Variants in LRBA observed in about 807,000 individuals in gnomAD.
LRBA encodes the protein lipopolysaccharide-responsive and beige-like anchor protein.
Under a neutral mutation model 330.0 loss-of-function variants are expected in LRBA, and 176 were observed. That is an observed-to-expected ratio of 0.53 (90% CI 0.47 to 0.60). The LOEUF (loss-of-function observed/expected upper bound fraction) is 0.60. LRBA is among the 20% of genes least tolerant of loss of function. The pLI, the probability that LRBA is intolerant of heterozygous loss-of-function variation, is 0.00. For synonymous variants in LRBA, 1,230 were observed against 1,193.0 expected, an observed-to-expected ratio of 1.03 and a Z score of -0.64; for missense variants, 3,259 against 3,444.8, an observed-to-expected ratio of 0.95 and a Z score of 1.35.
chr4:150,610,327 C>T (rs1306914909), intron 37 of LRBA, among the ~76,000 whole-genome samples: 3 of 152,058 alleles, frequency 2.0e-5, no homozygotes, highest in Non-Finnish European at 4.4e-5. Flanking sequence ...TGGTGGCTCA[C>T]GCCTATAATC....
At chr4:150,571,824 G>A (rs1441890142) in intron 40 of LRBA, among the ~76,000 whole-genome samples, 2 of 150,678 alleles carry the variant, frequency 1.3e-5, no homozygotes, top group Admixed American at 1.3e-4. Flanking sequence ...ATTTAAGGAA[G>A]TTTTTAAAAA....
chr4:150,571,904 C>T (rs1372588623), intron 40 of LRBA, among the ~76,000 whole-genome samples: 6 of 151,214 alleles, frequency 4.0e-5, no homozygotes, highest in African/African-American at 1.2e-4. Flanking sequence ...TGATAGTTTG[C>T]AAGGGTCCTG....
At chr4:151,013,710 C>T (rs1745115094) in intron 2 of LRBA, 1 of 150,476 alleles carries the variant, frequency 6.6e-6, no homozygotes. Context: ...CACCCCCACC[C>T]GAAAAAAAGC....
At chr4:150,271,170 T>C (rs1746037862) in intron 56 of LRBA, among the ~76,000 whole-genome samples, 1 of 152,150 alleles carries the variant, frequency 6.6e-6, no homozygotes, top group African/African-American at 2.4e-5. Context: ...AATGGTGCAC[T>C]CTGGCCCAGA....
rs928734573 is a variant in LRBA, at chr4:150,612,218, C to T, written c.5922-13087G>A. Among the ~76,000 whole-genome samples, 5 of 152,142 alleles carry T rather than the reference C, an allele frequency of 3.3e-5. No individual in the cohort carries two copies. The East Asian group carries it at 9.6e-4, about 29-fold the overall frequency. ...CAAGAAAAGAACAAAAAAAAAGTCACCCTCCATAGCATAACATTTTTATCT... is the reference window on the plus strand; with the variant it reads ...CAAGAAAAGAACAAAAAAAAAGTCATCCTCCATAGCATAACATTTTTATCT... On this transcript the variant is annotated intron_variant, in intron 37 of 56. Coordinates refer to ENST00000651943, the MANE Select transcript of LRBA (RefSeq NM_001364905.1).
At chr4:150,859,665 C>A (rs1453968820) in intron 22 of LRBA, among the ~76,000 whole-genome samples, 1 of 152,176 alleles carries the variant, frequency 6.6e-6, no homozygotes, top group East Asian at 1.9e-4. Context: ...AGCTTCCCTG[C>A]TACAAAGGTG....
chr4:150,537,647 C>G (rs1764810290), intron 40 of LRBA, among the ~76,000 whole-genome samples: 1 of 151,970 alleles, frequency 6.6e-6, no homozygotes, highest in Admixed American at 6.6e-5. Context: ...ACCCAAAGAA[C>G]CCCATTAAAA....
chr4:150,931,205 G>GTA (rs1734457295), intron 2 of LRBA, among the ~76,000 whole-genome samples: 1 of 151,472 alleles, frequency 6.6e-6, no homozygotes, highest in African/African-American at 2.4e-5. Flanking sequence ...CTTCCCCAAT[G>GTA]TATATATATT....
In LRBA at chr4:150,976,177, A is replaced by G. The variant is rs1268255726; in HGVS notation, c.216+38250T>C. ...GTGACAGAGTGAAACTCCGTCTTGAAAAAAAAAAAAAAAAAAAGAACAAAA... is the reference window on the plus strand; with the variant it reads ...GTGACAGAGTGAAACTCCGTCTTGAGAAAAAAAAAAAAAAAAAGAACAAAA... On this transcript the variant is annotated intron_variant, in intron 2 of 56. Transcript: ENST00000651943. Among the ~76,000 whole-genome samples, 17 of 17,494 alleles carry G rather than the reference A, an allele frequency of 9.7e-4. No individual in the cohort carries two copies. In the Non-Finnish European group the frequency reaches 0.017, roughly 18 times the overall value. 11.5% of individuals were successfully genotyped at this position (17,494 alleles called of 152,430 possible). A position where few individuals can be genotyped will look rare whatever the true frequency, so the allele number is the denominator to read the frequency against.
At chr4:150,664,330 T>C (rs1371855722) in intron 37 of LRBA, among the ~76,000 whole-genome samples, 1 of 152,222 alleles carries the variant, frequency 6.6e-6, no homozygotes, top group African/African-American at 2.4e-5. Flanking sequence ...GAATAGACCC[T>C]TGAGTTTTCT....
At chr4:150,976,006 T>TA (rs945729772) in intron 2 of LRBA, among the ~76,000 whole-genome samples, 11 of 150,708 alleles carry the variant, frequency 7.3e-5, no homozygotes, top group African/African-American at 2.4e-4. Context: ...TATTAAAAAT[T>TA]AAAAAAATAA....
At chr4:150,773,810 A>G (rs1736902801) in intron 34 of LRBA, among the ~76,000 whole-genome samples, 1 of 152,118 alleles carries the variant, frequency 6.6e-6, no homozygotes, top group African/African-American at 2.4e-5. Flanking sequence ...GAATTCGAAG[A>G]CTCACTAGGC....
intron 46 of LRBA, among the ~76,000 whole-genome samples, chr4:150,426,221 G>A (rs1749590057): frequency 6.6e-6 from 1 of 151,852 alleles, no homozygotes; most frequent in Admixed American, 6.6e-5. Flanking sequence ...ATAAAATGCT[G>A]TTTTTTCCTA....
Position 150,742,153 on chromosome 4 carries a change from T to A in LRBA, c.5646-6787A>T, listed in dbSNP as rs577781061. Among the ~76,000 whole-genome samples, 103 of 148,336 alleles carry A rather than the reference T, an allele frequency of 6.9e-4. 2 individuals carry two copies. The South Asian group carries it at 9.8e-3, about 14-fold the overall frequency. ...TATCATTATTATTATTATTATTATT[T>A]TTTTTTTTTAGGGACAGAGTCTCGC... On this transcript the variant is annotated intron_variant, in intron 35 of 56. Coordinates refer to ENST00000651943, the MANE Select transcript of LRBA (RefSeq NM_001364905.1).
intron 32 of LRBA, among the ~76,000 whole-genome samples, chr4:150,807,625 C>T (rs1742993242): frequency 4.4e-5 from 4 of 90,506 alleles, no homozygotes. Flanking sequence ...CTTATATCAG[C>T]ATTTTGTTGT....
chr4:150,452,734 A>G (rs886870333), intron 44 of LRBA, among the ~76,000 whole-genome samples: 10 of 152,182 alleles, frequency 6.6e-5, no homozygotes, highest in Non-Finnish European at 1.3e-4. Flanking sequence ...CCCCTAACAC[A>G]AAAGACAAGG....
At chr4:150,573,326 T>G (rs992614155) in intron 40 of LRBA, among the ~76,000 whole-genome samples, 4 of 152,140 alleles carry the variant, frequency 2.6e-5, no homozygotes, top group African/African-American at 9.7e-5. Flanking sequence ...AGATAAAACA[T>G]AAATTCACAA....
chr4:150,972,899 G>A (rs1739731832), intron 2 of LRBA, among the ~76,000 whole-genome samples: 1 of 152,116 alleles, frequency 6.6e-6, no homozygotes, highest in South Asian at 2.1e-4. Flanking sequence ...CTCACTTTCT[G>A]TAAATTAATA....
chr4:150,750,977 T>C (rs1733453657), intron 35 of LRBA, among the ~76,000 whole-genome samples: 1 of 151,312 alleles, frequency 6.6e-6, no homozygotes, highest in Non-Finnish European at 1.5e-5. Context: ...ACATAACATC[T>C]AAGAGGTACT....
Sources: allele counts gnomAD v4.1 joint callset (sites outside exome capture counted in the v4.1 genomes callset), GRCh38; gene constraint gnomAD v4.1.1; transcripts MANE v1.5; gene names NCBI Gene and HGNC (gene_info 2026-07-23, HGNC 2026-07-21).